Variants in SYT1 observed in about 807,000 individuals in gnomAD.
SYT1 encodes the protein synaptotagmin 1, also known as synaptotagmin-1.
Under a neutral mutation model 44.8 loss-of-function variants are expected in SYT1, and 8 were observed. That is an observed-to-expected ratio of 0.18 (90% CI 0.10 to 0.32). The LOEUF (loss-of-function observed/expected upper bound fraction) is 0.32, where lower values mean the gene tolerates loss of function less well. Among genes scored for constraint, SYT1 ranks in the 10% least tolerant of loss-of-function variants. The pLI is 1.00. For synonymous variants in SYT1, 154 were observed against 188.8 expected (o/e 0.82, Z 1.51); for missense variants, 286 against 509.3 (o/e 0.56, Z 4.22).
intron 1 of SYT1, among the ~76,000 whole-genome samples, chr12:78,947,763 A>T (rs1013545416): frequency 6.6e-5 from 10 of 151,902 alleles, no homozygotes; most frequent in African/African-American, 2.4e-4. Flanking sequence ...TAATTGGTTT[A>T]AAAAAGCTCG....
At chr12:79,384,674 C>T (rs928696849) in intron 9 of SYT1, among the ~76,000 whole-genome samples, 3 of 152,116 alleles carry the variant, frequency 2.0e-5, no homozygotes, top group African/African-American at 7.2e-5. Flanking sequence ...TCCGGAGCAC[C>T]ATCCACTGAC....
At chr12:79,333,741 CTCAACACTTTTA>C (rs1485697262) in intron 8 of SYT1, among the ~76,000 whole-genome samples, 2 of 152,142 alleles carry the variant, frequency 1.3e-5, no homozygotes, top group Non-Finnish European at 2.9e-5. Flanking sequence ...GGTTTAATTT[CTCAACACTTTTA>C]TGTTTTGACT....
chr12:79,374,060 C>G (rs1018037786), intron 9 of SYT1, among the ~76,000 whole-genome samples: 4 of 152,186 alleles, frequency 2.6e-5, no homozygotes, highest in Non-Finnish European at 5.9e-5. Context: ...GTGCAGGCCC[C>G]TCTGGCACCC....
intron 8 of SYT1, among the ~76,000 whole-genome samples, chr12:79,311,927 G>C (rs11113631): frequency 0.27 from 39,725 of 145,896 alleles, 6,000 homozygotes; most frequent in East Asian, 0.58. Flanking sequence ...TAAATGACGA[G>C]TTAATGGGTG....
At chr12:79,238,348 C>T (rs543025139) in intron 4 of SYT1, among the ~76,000 whole-genome samples, 1 of 152,268 alleles carries the variant, frequency 6.6e-6, no homozygotes, top group South Asian at 2.1e-4. Flanking sequence ...GACATATAAG[C>T]ATCCAGGCAT....
chr12:78,864,374 C>G (rs1165419587), upstream of SYT1: 2 of 145,106 alleles, frequency 1.4e-5, no homozygotes, highest in African/African-American at 5.1e-5. Context: ...AAAAAAAAAG[C>G]TTTGTATTAT....
At chr12:79,075,159 CA>C (rs1227014604) in intron 3 of SYT1, among the ~76,000 whole-genome samples, 1 of 152,158 alleles carries the variant, frequency 6.6e-6, no homozygotes, top group African/African-American at 2.4e-5. Context: ...CATACTGATG[CA>C]AAAGAGATAC....
intron 1 of SYT1, among the ~76,000 whole-genome samples, chr12:78,948,359 G>A (rs1315807481): frequency 2.0e-5 from 3 of 151,836 alleles, no homozygotes; most frequent in African/African-American, 7.2e-5. Context: ...GTTAATTACT[G>A]CCTTTTAAAT....
At chr12:78,918,512 C>T (rs1055559826) in intron 1 of SYT1, among the ~76,000 whole-genome samples, 3 of 152,052 alleles carry the variant, frequency 2.0e-5, no homozygotes, top group Non-Finnish European at 2.9e-5. Flanking sequence ...TACATTTTGG[C>T]CCCTTTTCAA....
rs7139292 is a variant in SYT1 at position 79,370,544 on chromosome 12, C to T, written c.928+16925C>T. 4.4e-3 allele frequency among the ~76,000 whole-genome samples: 665 copies of T among 152,128 alleles called. 3 individuals are homozygous for T. Among genetic ancestry groups the T allele is most frequent in the African/African-American group, 0.014 (594 of 41,494 alleles). On this transcript the variant is annotated intron_variant, in intron 9 of 10. Coordinates refer to ENST00000261205, the MANE Select transcript of SYT1 (RefSeq NM_005639.3). ...TTGGGAGGCTGAGGCGGGCGGATCA[C>T]GAGGTCAGAAGATCGGGACCATCCT...
At chr12:79,126,389 T>C (rs1322672019) in intron 3 of SYT1, among the ~76,000 whole-genome samples, 2 of 152,164 alleles carry the variant, frequency 1.3e-5, no homozygotes, top group African/African-American at 2.4e-5. Context: ...GCCTCCAGAG[T>C]AGCTGGGATT....
chr12:78,888,600 C>A (rs1397186659), intron 1 of SYT1, among the ~76,000 whole-genome samples: 1 of 151,918 alleles, frequency 6.6e-6, no homozygotes, highest in Non-Finnish European at 1.5e-5. Flanking sequence ...TTATTATCAT[C>A]TTTTCTAATC....
At chr12:79,390,081 C>T (rs1019013602) in intron 9 of SYT1, among the ~76,000 whole-genome samples, 10 of 151,896 alleles carry the variant, frequency 6.6e-5, no homozygotes, top group African/African-American at 9.7e-5. Context: ...TACAGGCGCC[C>T]GCCACCATGC....
intron 8 of SYT1, among the ~76,000 whole-genome samples, chr12:79,335,410 G>A (rs150316731): frequency 8.7e-5 from 12 of 138,156 alleles, no homozygotes; most frequent in African/African-American, 1.9e-4. Context: ...TTTTTTACTC[G>A]CAATCTTTTC....
chr12:79,313,965 C>CATTGGTCA, intron 8 of SYT1, among the ~76,000 whole-genome samples: 2 of 151,114 alleles, frequency 1.3e-5, no homozygotes, highest in Non-Finnish European at 2.9e-5. Flanking sequence ...GTCAGGAGAT[C>CATTGGTCA]GAGACCATCC....
At chr12:78,985,193 C>T (rs113620720) in intron 2 of SYT1, among the ~76,000 whole-genome samples, 2 of 151,808 alleles carry the variant, frequency 1.3e-5, no homozygotes, top group African/African-American at 4.8e-5. Context: ...TAATACAGTT[C>T]TGTTTAACAA....
At chr12:79,016,229 G>A (rs1332169273) in intron 2 of SYT1, among the ~76,000 whole-genome samples, 1 of 152,154 alleles carries the variant, frequency 6.6e-6, no homozygotes, top group Non-Finnish European at 1.5e-5. Flanking sequence ...GGTAGGACAT[G>A]TATAGTGAAT....
chr12:79,255,884 G>T (rs1211009792), intron 4 of SYT1, among the ~76,000 whole-genome samples: 3 of 152,116 alleles, frequency 2.0e-5, no homozygotes, highest in Non-Finnish European at 2.9e-5. Flanking sequence ...AAATAGATTT[G>T]CTCTGCCACA....
intron 4 of SYT1, among the ~76,000 whole-genome samples, chr12:79,226,028 G>C (rs1033096213): frequency 2.6e-5 from 4 of 152,114 alleles, no homozygotes; most frequent in Admixed American, 2.6e-4. Context: ...GTCTGTTTAT[G>C]CTCATGCCTA....
Sources: allele counts gnomAD v4.1 joint callset (sites outside exome capture counted in the v4.1 genomes callset), GRCh38; gene constraint gnomAD v4.1.1; transcripts MANE v1.5; gene names NCBI Gene and HGNC (gene_info 2026-07-23, HGNC 2026-07-21).